IQCK: variants seen among roughly 807,000 people sequenced by gnomAD.
IQCK encodes the protein IQ domain-containing protein K.
A neutral mutation model predicts 28.1 loss-of-function variants in IQCK; 29 were observed. That is an observed-to-expected ratio of 1.03 (90% CI 0.77 to 1.41). The LOEUF is 1.41. IQCK is among the 40% of genes most tolerant of loss of function. IQCK has a pLI of 0.00. For synonymous variants in IQCK, 113 were observed against 115.1 expected, an observed-to-expected ratio of 0.98 and a Z score of 0.12; for missense variants, 359 against 314.7, an observed-to-expected ratio of 1.14 and a Z score of -1.07.
chr16:19,801,181 G>T (rs1193623219), intron 7 of IQCK, among the ~76,000 whole-genome samples: 1 of 135,874 alleles, frequency 7.4e-6, no homozygotes, highest in Non-Finnish European at 1.5e-5. Flanking sequence ...GTGTGTGTGT[G>T]TCTATGTACA....
At position 19,736,638 on chromosome 16, in the gene IQCK, C is replaced by A. The variant is rs535605804; in HGVS notation, c.474+1188C>A. The stretch of plus-strand genomic sequence containing the variant: ...GATCCAGATGAAGAGAGTAAAATTA[C>A]AACATTTATTATTGACCAGGCACTC... On this transcript the variant is annotated intron_variant, in intron 4 of 7. Coordinates refer to ENST00000564186, the Ensembl canonical transcript of IQCK. 4.0e-3 allele frequency among the ~76,000 whole-genome samples: 612 copies of A among 152,272 alleles called. 3 individuals carry two copies. Among genetic ancestry groups the A allele is most frequent in the African/African-American group, 0.012 (497 of 41,558 alleles).
chr16:19,806,567 G>A (rs1395247859), intron 7 of IQCK, among the ~76,000 whole-genome samples: 1 of 151,682 alleles, frequency 6.6e-6, no homozygotes, highest in African/African-American at 2.4e-5. Flanking sequence ...GCACACACCT[G>A]TAGTCCTAGC....
intron 4 of IQCK, among the ~76,000 whole-genome samples, chr16:19,740,581 G>A (rs1244399530): frequency 6.6e-6 from 1 of 152,128 alleles, no homozygotes; most frequent in East Asian, 1.9e-4. Flanking sequence ...AGTATATTGA[G>A]TGCACTGTGT....
intron 9 of IQCK, among the ~76,000 whole-genome samples, chr16:19,846,292 G>T (rs2056414833): frequency 6.6e-6 from 1 of 152,178 alleles, no homozygotes; most frequent in Non-Finnish European, 1.5e-5. Context: ...CCCAAGTGGT[G>T]TGCTCTAAGC....
At chr16:19,720,083 G>C (rs375143422) in intron 1 of IQCK, among the ~76,000 whole-genome samples, 10 of 152,168 alleles carry the variant, frequency 6.6e-5, no homozygotes, top group Non-Finnish European at 1.2e-4. Flanking sequence ...GAATGTACCA[G>C]TATATGCGAT....
At chr16:19,828,346 G>A (rs2141093393), downstream of IQCK, among the ~76,000 whole-genome samples, 1 of 145,634 alleles carries the variant, frequency 6.9e-6, no homozygotes, top group South Asian at 2.1e-4. Flanking sequence ...CAATTCTCCT[G>A]CCTCAGCCTC....
chr16:19,729,643 A>ATTTATTT (rs1205756319), intron 1 of IQCK, among the ~76,000 whole-genome samples: 1 of 150,968 alleles, frequency 6.6e-6, no homozygotes, highest in Non-Finnish European at 1.5e-5. Context: ...TTATTTATTT[A>ATTTATTT]TTTATTTTTT....
chr16:19,838,152 G>A (rs1312975994), intron 9 of IQCK, among the ~76,000 whole-genome samples: 2 of 152,212 alleles, frequency 1.3e-5, no homozygotes, highest in African/African-American at 2.4e-5. Flanking sequence ...TGTTGATGCC[G>A]TTTTGGTGGC....
At chr16:19,736,299 T>C (rs1399831752) in intron 4 of IQCK, 2 of 391,106 alleles carry the variant, frequency 5.1e-6, no homozygotes, top group African/African-American at 2.1e-5. Flanking sequence ...GGTCTTGCTC[T>C]GTTTTCAGGC....
chr16:19,792,593 C>T (rs571017521), intron 7 of IQCK, among the ~76,000 whole-genome samples: 3 of 80,716 alleles, frequency 3.7e-5, no homozygotes, highest in East Asian at 3.1e-4. Context: ...TTTTTTGAGA[C>T]GGAGTTTTGC....
chr16:19,854,531 T>C (rs2056529596), intron 9 of IQCK, among the ~76,000 whole-genome samples: 1 of 152,208 alleles, frequency 6.6e-6, no homozygotes, highest in Non-Finnish European at 1.5e-5. Context: ...TTTCTAACAA[T>C]TTCCCCCTAT....
At chr16:19,753,752 A>G (rs188939396) in intron 4 of IQCK, among the ~76,000 whole-genome samples, 2 of 152,090 alleles carry the variant, frequency 1.3e-5, no homozygotes, top group Admixed American at 6.6e-5. Context: ...ACTCTGTGAT[A>G]TAACTGAGGA....
chr16:19,759,064 A>G (rs1194912587), intron 4 of IQCK, among the ~76,000 whole-genome samples: 4 of 152,200 alleles, frequency 2.6e-5, no homozygotes, highest in African/African-American at 7.2e-5. Flanking sequence ...TATATTAGCA[A>G]TTCCTACTTG....
At chr16:19,719,222 G>A (rs1325045265) in intron 1 of IQCK, among the ~76,000 whole-genome samples, 5 of 151,718 alleles carry the variant, frequency 3.3e-5, no homozygotes, top group Non-Finnish European at 5.9e-5. Context: ...GGATTATTGG[G>A]GAAAAAAAAA....
intron 7 of IQCK, among the ~76,000 whole-genome samples, chr16:19,802,645 C>A (rs1425230835): frequency 6.7e-6 from 1 of 149,674 alleles, no homozygotes; most frequent in Non-Finnish European, 1.5e-5. Context: ...CCTTTAAGTT[C>A]TTCAAAGGCA....
chr16:19,774,898 A>G (rs1444497863), intron 6 of IQCK, among the ~76,000 whole-genome samples: 1 of 152,176 alleles, frequency 6.6e-6, no homozygotes, highest in Non-Finnish European at 1.5e-5. Flanking sequence ...AGAAGAGAGA[A>G]AGACAGAGAA....
At chr16:19,814,329 C>T (rs770931275) in intron 7 of IQCK, among the ~76,000 whole-genome samples, 37 of 151,776 alleles carry the variant, frequency 2.4e-4, no homozygotes, top group South Asian at 6.3e-4. Flanking sequence ...CACTTGAACC[C>T]GGGAGGAAGA....
In IQCK at chr16:19,763,918, G is replaced by T; in HGVS notation, c.527+18G>T. On this transcript the variant is annotated intron_variant, in intron 5 of 7. Transcript: ENST00000564186. ...TTATACAAGTAAGTTGTTCGTGTCTGACTATTCAGTGATCCTAAGAATTCA... is the reference window on the plus strand; with the variant it reads ...TTATACAAGTAAGTTGTTCGTGTCTTACTATTCAGTGATCCTAAGAATTCA... 2 of 1,610,528 alleles carry T rather than the reference G, an allele frequency of 1.2e-6. No individual in the cohort carries two copies. The highest frequency in any genetic ancestry group is 1.7e-6 in the Non-Finnish European group (2 of 1,176,706).
At chr16:19,829,518 G>A (rs529049026), downstream of IQCK, among the ~76,000 whole-genome samples, 3 of 151,588 alleles carry the variant, frequency 2.0e-5, no homozygotes, top group South Asian at 2.1e-4. Context: ...CGTTTTTTTC[G>A]TAGAGACGGG....
Sources: gnomAD v4.1 joint callset for allele counts (sites outside exome capture counted in the v4.1 genomes callset) on GRCh38, gnomAD v4.1.1 for gene constraint, MANE v1.5 for transcripts, NCBI Gene and HGNC (gene_info 2026-07-23, HGNC 2026-07-21) for gene names.